Variants in PLCL1 observed in about 807,000 individuals in gnomAD.
PLCL1 encodes the protein phospholipase C like 1 (inactive), also known as inactive phospholipase C-like protein 1.
A neutral mutation model predicts 84.4 loss-of-function variants in PLCL1; 41 were observed. That is an observed-to-expected ratio of 0.49 (90% CI 0.38 to 0.63). The LOEUF is 0.63. PLCL1 is among the 30% of genes least tolerant of loss of function. The probability of loss-of-function intolerance (pLI) is 0.00; values close to 1 mark genes in which losing one functional copy is unlikely to be tolerated. For synonymous variants in PLCL1, 490 were observed against 488.3 expected, an observed-to-expected ratio of 1.00 and a Z score of -0.05; for missense variants, 1,206 against 1,367.8, an observed-to-expected ratio of 0.88 and a Z score of 1.87.
At chr2:198,115,622 A>C (rs144068719) in intron 5 of PLCL1, among the ~76,000 whole-genome samples, 3,242 of 151,988 alleles carry the variant, frequency 0.021, 56 homozygotes, top group Non-Finnish European at 0.031. Flanking sequence ...AAGAGGTTTA[A>C]TGGACTCACA....
intron 5 of PLCL1, among the ~76,000 whole-genome samples, chr2:198,138,769 T>G (rs1405932097): frequency 6.6e-6 from 1 of 152,192 alleles, no homozygotes; most frequent in South Asian, 2.1e-4. Flanking sequence ...TTTTTATTAT[T>G]GATAATCCAT....
intron 5 of PLCL1, among the ~76,000 whole-genome samples, chr2:198,145,095 A>G (rs997898370): frequency 6.6e-6 from 1 of 152,206 alleles, no homozygotes; most frequent in Non-Finnish European, 1.5e-5. Flanking sequence ...AAGAGTGACC[A>G]CACTGAGCAA....
chr2:197,893,153 C>T (rs1376510579), intron 1 of PLCL1, among the ~76,000 whole-genome samples: 1 of 152,158 alleles, frequency 6.6e-6, no homozygotes, highest in Non-Finnish European at 1.5e-5. Context: ...TCAGATATAA[C>T]CAACAGATGA....
At chr2:198,094,469 C>T (rs1032355022) in intron 3 of PLCL1, among the ~76,000 whole-genome samples, 2 of 151,728 alleles carry the variant, frequency 1.3e-5, no homozygotes, top group South Asian at 2.1e-4. Context: ...GGCCTATTGA[C>T]GTGGCAGAAT....
intron 1 of PLCL1, among the ~76,000 whole-genome samples, chr2:197,832,376 C>T (rs1427319525): frequency 1.3e-5 from 2 of 152,200 alleles, no homozygotes; most frequent in Non-Finnish European, 2.9e-5. Flanking sequence ...ACTATAAACA[C>T]CTCTACGCAA....
At chr2:198,008,132 C>T (rs1489685445) in intron 1 of PLCL1, among the ~76,000 whole-genome samples, 2 of 152,042 alleles carry the variant, frequency 1.3e-5, no homozygotes, top group African/African-American at 4.8e-5. Flanking sequence ...TCACAATGAA[C>T]TCTTCCAATT....
chr2:198,001,597 A>G (rs1010594377), intron 1 of PLCL1, among the ~76,000 whole-genome samples: 4 of 152,108 alleles, frequency 2.6e-5, no homozygotes, highest in Admixed American at 2.0e-4. Context: ...TTTGACTCCT[A>G]TTATGTTTGA....
At chr2:197,824,046 CTA>C (rs768994652) in intron 1 of PLCL1, among the ~76,000 whole-genome samples, 63 of 152,138 alleles carry the variant, frequency 4.1e-4, no homozygotes, top group Non-Finnish European at 7.5e-4. Context: ...GAATTTGACA[CTA>C]TATTGTGTCC....
At chr2:197,864,895 C>G (rs777910449) in intron 1 of PLCL1, among the ~76,000 whole-genome samples, 20 of 152,194 alleles carry the variant, frequency 1.3e-4, no homozygotes, top group Non-Finnish European at 2.2e-4. Context: ...AATGTTCACT[C>G]AGTCTTTATT....
intron 1 of PLCL1, among the ~76,000 whole-genome samples, chr2:197,876,536 C>A (rs797014146): frequency 3.9e-5 from 6 of 151,930 alleles, no homozygotes; most frequent in African/African-American, 1.5e-4. Flanking sequence ...CCAGAGATGG[C>A]AACTGGATGG....
At chr2:198,042,840 A>G (rs1691696097) in intron 1 of PLCL1, among the ~76,000 whole-genome samples, 1 of 152,182 alleles carries the variant, frequency 6.6e-6, no homozygotes, top group African/African-American at 2.4e-5. Context: ...TGAGAGGAAG[A>G]AAAGAGGTCA....
At chr2:198,129,822 C>A (rs1694077313) in intron 5 of PLCL1, among the ~76,000 whole-genome samples, 1 of 151,962 alleles carries the variant, frequency 6.6e-6, no homozygotes, top group African/African-American at 2.4e-5. Flanking sequence ...CCTTACCTCC[C>A]ACTCACTTCT....
chr2:197,991,225 C>T (rs566562608), intron 1 of PLCL1, among the ~76,000 whole-genome samples: 3 of 152,120 alleles, frequency 2.0e-5, no homozygotes, highest in Admixed American at 1.3e-4. Context: ...TGGGACCTCT[C>T]ATCTCATCTT....
At chr2:197,866,427 A>C (rs1687546396) in intron 1 of PLCL1, among the ~76,000 whole-genome samples, 1 of 151,930 alleles carries the variant, frequency 6.6e-6, no homozygotes, top group African/African-American at 2.4e-5. Context: ...GTGGATAAAC[A>C]AGAATAGGGC....
chr2:197,978,796 A>G (rs1269775721), intron 1 of PLCL1, among the ~76,000 whole-genome samples: 1 of 152,132 alleles, frequency 6.6e-6, no homozygotes, highest in East Asian at 1.9e-4. Context: ...ACACACCCAC[A>G]CTCACTCAGA....
chr2:198,062,165 C>G (rs1692221003), intron 1 of PLCL1, among the ~76,000 whole-genome samples: 1 of 152,178 alleles, frequency 6.6e-6, no homozygotes, highest in African/African-American at 2.4e-5. Flanking sequence ...CCAGACTGCT[C>G]CAAATCTGCC....
intron 1 of PLCL1, among the ~76,000 whole-genome samples, chr2:197,997,113 G>T (rs1283571852): frequency 6.6e-6 from 1 of 152,162 alleles, no homozygotes; most frequent in East Asian, 1.9e-4. Context: ...CACTACTGTG[G>T]GGAGGGCAGG....
intron 1 of PLCL1, among the ~76,000 whole-genome samples, chr2:197,967,888 A>G (rs146725247): frequency 8.8e-4 from 134 of 152,332 alleles, no homozygotes; most frequent in Middle Eastern, 3.4e-3. Context: ...TCAAAGCTAG[A>G]AAAGTTATTG....
intron 1 of PLCL1, among the ~76,000 whole-genome samples, chr2:197,868,701 C>A (rs1231117705): frequency 6.8e-6 from 1 of 147,836 alleles, no homozygotes; most frequent in Non-Finnish European, 1.5e-5. Context: ...GAGATAAGGT[C>A]TCGCTTTTTT....
Sources: gnomAD v4.1 joint callset for allele counts (sites outside exome capture counted in the v4.1 genomes callset) on GRCh38, gnomAD v4.1.1 for gene constraint, MANE v1.5 for transcripts, NCBI Gene and HGNC (gene_info 2026-07-23, HGNC 2026-07-21) for gene names.